TMEM200C: variants seen among roughly 807,000 people sequenced by gnomAD.
TMEM200C encodes transmembrane protein 200C, also known as transmembrane protein TTMA.
For missense variants in TMEM200C, 966 were observed against 699.9 expected (o/e 1.38, Z -4.29); for synonymous variants, 462 against 324.7 (o/e 1.42, Z -4.55).
In TMEM200C at chr18:5,891,421, C is replaced by A; in HGVS notation, c.643G>T (p.Ala215Ser). The A allele has an allele frequency of 6.6e-7, 1 of 1,516,174 alleles. No homozygotes were observed. Among genetic ancestry groups the A allele is most frequent in the Non-Finnish European group, 8.9e-7 (1 of 1,127,930 alleles). The allele number at this position is 1,516,174 out of a possible 1,614,324, so 93.9% of individuals were successfully genotyped here. Residue 215 changes from alanine to serine, a missense_variant, in exon 3 of 3, where the codon GCC (alanine) becomes TCC (serine). By Grantham distance (99) the Ala-to-Ser change is moderately conservative. Transcript: ENST00000581347. The surrounding 1 kb of genome is among the most constrained non-coding windows in gnomAD (Gnocchi z 4.7). ...GCCGCGGCGGCCGCCAGGTCTTTGG[C>A]GCGGAGGCTGTGCACGTCGATGACG...
chr18:5,892,744 G>A (rs572781231), intron 2 of TMEM200C, among the ~76,000 whole-genome samples: 1 of 152,316 alleles, frequency 6.6e-6, no homozygotes, highest in South Asian at 2.1e-4. Context: ...GTCATATAAT[G>A]GCAGGCAGGC....
chr18:5,885,972 T>C (rs1415339973), exon 3 of TMEM200C: 1 of 152,142 alleles, frequency 6.6e-6, no homozygotes, highest in Non-Finnish European at 1.5e-5. Context: ...TTCTTTGTTA[T>C]AAGTAAGAAA....
chr18:5,890,380 C>T (rs988333353), exon 3 of TMEM200C: 10 of 1,586,354 alleles, frequency 6.3e-6, no homozygotes, highest in Non-Finnish European at 8.6e-6. Context: ...GCGGCCACAG[C>T]AGAGTCTCGC....
At chr18:5,886,211 A>G (rs906156742) in exon 3 of TMEM200C, 2 of 152,126 alleles carry the variant, frequency 1.3e-5, no homozygotes, top group Non-Finnish European at 2.9e-5. Context: ...TATAGAAAAA[A>G]CTTTTGTCTA....
At chr18:5,883,662 A>T (rs931232345) in exon 3 of TMEM200C, 3 of 152,136 alleles carry the variant, frequency 2.0e-5, no homozygotes, top group African/African-American at 7.2e-5. Context: ...TGATGTAGAA[A>T]TCTGTAGAAA....
chr18:5,891,626 G>C lies in TMEM200C; in HGVS notation c.438C>G (p.Ser146=), dbSNP rs1244643672. 6.2e-7 allele frequency: 1 copy of C among 1,613,722 alleles called. No individual in the cohort carries two copies. The highest frequency in any genetic ancestry group is 1.3e-5 in the African/African-American group (1 of 74,932). ...TGCGGAAGAAGAAGCCCACGGACGT[G>C]GAGGAGGAGGACGGGGAGGCGGCTC... Residue 146 remains serine, a synonymous_variant, in exon 3 of 3, where the codon TCC becomes TCG. Transcript: ENST00000581347. The surrounding 1 kb of genome is among the most constrained non-coding windows in gnomAD (Gnocchi z 4.7).
At position 5,888,930 on chromosome 18, in the gene TMEM200C, ACT is replaced by A. The variant is rs1330942531; in HGVS notation, c.*1266_*1267del. The stretch of plus-strand genomic sequence containing the variant: ...GGTCCAATCTCAGCTCGGAATCTGC[ACT>A]CTGTCTACAGGACTAGCGCTTTGCC... On this transcript the variant is annotated 3_prime_UTR_variant, in exon 3 of 3. Coordinates refer to ENST00000581347, the Ensembl canonical transcript of TMEM200C. The A allele has an allele frequency of 2.6e-5, 4 of 152,314 alleles. No homozygotes were observed. The East Asian group carries it at 7.7e-4, about 29-fold the overall frequency. 9.4% of individuals were successfully genotyped at this position (152,314 alleles called of 1,614,324 possible). A position where few individuals can be genotyped will look rare whatever the true frequency, so the allele number is the denominator to read the frequency against.
At chr18:5,882,599 A>T (rs1208958610) in exon 3 of TMEM200C, 1 of 152,170 alleles carries the variant, frequency 6.6e-6, no homozygotes, top group East Asian at 1.9e-4. Context: ...TCCAGAAGAT[A>T]TCAGTCAATT....
exon 3 of TMEM200C, chr18:5,882,644 C>A (rs1940594): frequency 6.6e-6 from 1 of 151,846 alleles, no homozygotes; most frequent in Non-Finnish European, 1.5e-5. Context: ...AAAATTGGGA[C>A]GCAAACAATT....
chr18:5,891,016 AGCTGCTAGCG>A lies in TMEM200C; in HGVS notation c.1038_1047del (p.Ser348AlafsTer26), dbSNP rs1201191044. The A allele has an allele frequency of 1.7e-6, 1 of 593,728 alleles. No individual in the cohort carries two copies. Among genetic ancestry groups the A allele is most frequent in the Non-Finnish European group, 3.0e-6 (1 of 338,978 alleles). The allele number at this position is 593,728 out of a possible 1,614,324, so 36.8% of individuals were successfully genotyped here. A position where few individuals can be genotyped will look rare whatever the true frequency, so the allele number is the denominator to read the frequency against. On this transcript the variant is annotated frameshift_variant, in exon 3 of 3. Transcript: ENST00000581347. LOFTEE classifies it low-confidence loss of function (END_TRUNC). This position sits in a 1 kb window ranked among gnomAD's most constrained non-coding sequence, Gnocchi z 4.7. ...GGGCTGCAGGGCGCCGGACTGCTGCAGCTGCTAGCGGCTGCGGCGGCGGTGGCAGCGGCGG... is the reference window on the plus strand; with the variant it reads ...GGGCTGCAGGGCGCCGGACTGCTGCAGCTGCGGCGGCGGTGGCAGCGGCGG...
chr18:5,886,046 A>C (rs1029901282), exon 3 of TMEM200C: 1 of 152,046 alleles, frequency 6.6e-6, no homozygotes, highest in Non-Finnish European at 1.5e-5. Flanking sequence ...GTATTTTTAT[A>C]TCGTGGCAAA....
At chr18:5,895,729 G>C (rs889693852) in intron 1 of TMEM200C, 2 of 149,128 alleles carry the variant, frequency 1.3e-5, no homozygotes, top group Admixed American at 6.7e-5. Flanking sequence ...CAGCCGGCAC[G>C]GGGCGCTCGG....
In TMEM200C at chr18:5,891,473, G is replaced by T; in HGVS notation, c.591C>A (p.Ile197=). The change falls in exon 3 of 3, where the codon ATC becomes ATA. Residue 197 remains isoleucine, a synonymous_variant. Coordinates refer to ENST00000581347, the Ensembl canonical transcript of TMEM200C. The surrounding 1 kb of genome is among the most constrained non-coding windows in gnomAD (Gnocchi z 4.7). ...TGGAGTAGAGGTCCCGCAGGTTGAT[G>T]ATTTTGGTCTTCTTGTCCCGGTTCT... 1 of 1,586,488 alleles carries T rather than the reference G, an allele frequency of 6.3e-7. No individual in the cohort carries two copies. The highest frequency in any genetic ancestry group is 8.6e-7 in the Non-Finnish European group (1 of 1,166,758).
At chr18:5,890,181 C>T (rs1367917854) in exon 3 of TMEM200C, 1 of 1,506,362 alleles carries the variant, frequency 6.6e-7, no homozygotes, top group South Asian at 1.4e-5. Context: ...TTCCTCCTCC[C>T]CAACCCACCC....
intron 2 of TMEM200C, among the ~76,000 whole-genome samples, chr18:5,893,082 C>T (rs2095172789): frequency 6.6e-6 from 1 of 152,100 alleles, no homozygotes; most frequent in African/African-American, 2.4e-5. Flanking sequence ...CCTGGAATCT[C>T]CAAGAGAAAG....
exon 3 of TMEM200C, chr18:5,886,782 G>A (rs756268484): frequency 2.0e-5 from 3 of 151,704 alleles, no homozygotes; most frequent in Non-Finnish European, 4.4e-5. Flanking sequence ...CAGTTATAAT[G>A]TTATATAACC....
exon 3 of TMEM200C, chr18:5,884,265 C>T (rs1428233723): frequency 6.6e-6 from 1 of 152,026 alleles, no homozygotes; most frequent in Non-Finnish European, 1.5e-5. Context: ...ACCTTATGAA[C>T]ATCTGGCTTT....
At chr18:5,893,835 G>C (rs1029704461) in intron 2 of TMEM200C, among the ~76,000 whole-genome samples, 1 of 152,130 alleles carries the variant, frequency 6.6e-6, no homozygotes, top group East Asian at 1.9e-4. Context: ...AGAAGCACCA[G>C]GTAGATAAGA....
At chr18:5,893,900 C>T (rs955159213) in intron 2 of TMEM200C, among the ~76,000 whole-genome samples, 65 of 150,046 alleles carry the variant, frequency 4.3e-4, no homozygotes, top group African/African-American at 1.6e-3. Context: ...CCAGTAAGTA[C>T]AGATTGAAAC....
Sources: allele counts gnomAD v4.1 joint callset (sites outside exome capture counted in the v4.1 genomes callset), GRCh38; gene constraint gnomAD v4.1.1; non-coding constraint Gnocchi (gnomAD v3.1); transcripts MANE v1.5; gene names NCBI Gene and HGNC (gene_info 2026-07-23, HGNC 2026-07-21).